Variants in EXOC6B observed in about 807,000 individuals in gnomAD.
EXOC6B encodes the protein exocyst complex component 6B.
Under a neutral mutation model 113.5 loss-of-function variants are expected in EXOC6B, and 54 were observed. The ratio of observed to expected loss-of-function variants is 0.48; its 90% CI spans 0.38 to 0.60. EXOC6B has a LOEUF of 0.60. EXOC6B is among the 20% of genes least tolerant of loss of function. The probability of loss-of-function intolerance (pLI) is 0.00; values close to 1 mark genes in which losing one functional copy is unlikely to be tolerated. For missense variants in EXOC6B, 797 were observed against 977.5 expected (o/e 0.82, Z 2.46); for synonymous variants, 357 against 339.0 (o/e 1.05, Z -0.58).
intron 1 of EXOC6B, among the ~76,000 whole-genome samples, chr2:72,766,827 G>C (rs148708895): frequency 6.6e-6 from 1 of 151,554 alleles, no homozygotes; most frequent in Non-Finnish European, 1.5e-5. Context: ...AGTGGTGCGC[G>C]TCTGTAATCC....
chr2:72,680,014 T>A (rs1206214036), intron 6 of EXOC6B, among the ~76,000 whole-genome samples: 1 of 152,178 alleles, frequency 6.6e-6, no homozygotes. Context: ...TGTGATTATA[T>A]AAGAGAATGC....
intron 18 of EXOC6B, among the ~76,000 whole-genome samples, chr2:72,394,400 A>T (rs1488397472): frequency 6.6e-6 from 1 of 152,178 alleles, no homozygotes; most frequent in Admixed American, 6.5e-5. Context: ...CACAATACTC[A>T]GAGAAGGTTT....
intron 18 of EXOC6B, among the ~76,000 whole-genome samples, chr2:72,390,968 T>A (rs533745399): frequency 5.8e-4 from 89 of 152,338 alleles, no homozygotes; most frequent in African/African-American, 2.1e-3. Flanking sequence ...CCCAAAACTC[T>A]TTTTCATTTC....
intron 18 of EXOC6B, among the ~76,000 whole-genome samples, chr2:72,432,467 T>C (rs1189566131): frequency 6.6e-6 from 1 of 152,190 alleles, no homozygotes; most frequent in African/African-American, 2.4e-5. Context: ...TGTCAAATGG[T>C]ATTTCTAGTT....
Position 72,446,379 on chromosome 2 carries a change from C to CA in EXOC6B, c.1980+18780dup, listed in dbSNP as rs751402901. ...GGGCAACAAGAGCAATACTCTGTCT[C>CA]AAAAAAAAAAAAAATGAAAAGAAAG... is the stretch of plus-strand genomic sequence containing the variant. On this transcript the variant is annotated intron_variant, in intron 18 of 21. Coordinates refer to ENST00000272427, the MANE Select transcript of EXOC6B (RefSeq NM_015189.3). Among the ~76,000 whole-genome samples, 931 of 97,804 alleles carry CA rather than the reference C, an allele frequency of 9.5e-3. 9 individuals carry two copies. The highest frequency in any genetic ancestry group is 0.026 in the African/African-American group (676 of 25,814). The allele number at this position is 97,804 out of a possible 152,430, so 64.2% of individuals were successfully genotyped here.
intron 20 of EXOC6B, among the ~76,000 whole-genome samples, chr2:72,290,901 T>G (rs1159135025): frequency 6.6e-6 from 1 of 152,150 alleles, no homozygotes; most frequent in Non-Finnish European, 1.5e-5. Context: ...TGTATTTAAT[T>G]GAAATGTATG....
rs189614424 is a variant in EXOC6B at position 72,554,793 on chromosome 2, A to T, written c.915+4660T>A. 5.0e-3 allele frequency among the ~76,000 whole-genome samples: 759 copies of T among 152,136 alleles called. 20 individuals are homozygous for T. The highest frequency in any genetic ancestry group is 0.045 in the Admixed American group (689 of 15,274). ...TATTATACTCTAAGTTCCAGGGTAC[A>T]TGTGCACAACATGCAGGTTTGTTAC... On this transcript the variant is annotated intron_variant, in intron 8 of 21. Coordinates refer to ENST00000272427, the MANE Select transcript of EXOC6B (RefSeq NM_015189.3).
intron 5 of EXOC6B, 53 bp downstream of exon 5, chr2:72,730,954 A>T: frequency 7.5e-7 from 1 of 1,331,048 alleles, no homozygotes; most frequent in Non-Finnish European, 1.0e-6. Context: ...AACGTATTCT[A>T]AACAACAGAA....
chr2:72,187,277 A>C (rs1481605559), intron 20 of EXOC6B, among the ~76,000 whole-genome samples: 1 of 151,890 alleles, frequency 6.6e-6, no homozygotes, highest in Non-Finnish European at 1.5e-5. Flanking sequence ...GGGCTCTACA[A>C]AGGGCTGCAG....
At chr2:72,715,930 G>A (rs1052880000) in intron 6 of EXOC6B, among the ~76,000 whole-genome samples, 2 of 152,116 alleles carry the variant, frequency 1.3e-5, no homozygotes, top group African/African-American at 2.4e-5. Context: ...GAAGGAGTGA[G>A]TGTGTTCTAT....
At chr2:72,305,144 A>G (rs1452741059) in intron 20 of EXOC6B, among the ~76,000 whole-genome samples, 1 of 152,146 alleles carries the variant, frequency 6.6e-6, no homozygotes, top group Non-Finnish European at 1.5e-5. Context: ...GGTAGCTATT[A>G]TTATCTATAT....
chr2:72,421,322 T>C lies in EXOC6B; in HGVS notation c.1981-41452A>G, dbSNP rs189706868. Among the ~76,000 whole-genome samples the C allele has an allele frequency of 1.5e-3, 225 of 152,330 alleles. 3 individuals carry two copies. Among genetic ancestry groups the C allele is most frequent in the Non-Finnish European group, 1.3e-3 (87 of 68,026 alleles). On this transcript the variant is annotated intron_variant, in intron 18 of 21. Coordinates refer to ENST00000272427, the MANE Select transcript of EXOC6B (RefSeq NM_015189.3). The stretch of plus-strand genomic sequence containing the variant: ...GAACTACACATTCTTTATATTATTC[T>C]GAAGGCCAAAATTTTGCATGATACT...
At chr2:72,680,751 A>T (rs1448254000) in intron 6 of EXOC6B, among the ~76,000 whole-genome samples, 5 of 151,740 alleles carry the variant, frequency 3.3e-5, no homozygotes, top group Non-Finnish European at 7.4e-5. Context: ...AAAAAAAAAG[A>T]AAAAAAAGGA....
intron 6 of EXOC6B, among the ~76,000 whole-genome samples, chr2:72,624,939 A>G (rs1041858330): frequency 6.6e-6 from 1 of 151,938 alleles, no homozygotes; most frequent in Non-Finnish European, 1.5e-5. Flanking sequence ...CAGATTTGAA[A>G]TGGACTGTCT....
chr2:72,376,763 T>C (rs1427766764), intron 19 of EXOC6B, among the ~76,000 whole-genome samples: 1 of 152,200 alleles, frequency 6.6e-6, no homozygotes, highest in Non-Finnish European at 1.5e-5. Context: ...TCTTCTTTTA[T>C]GGGTAACATT....
intron 18 of EXOC6B, among the ~76,000 whole-genome samples, chr2:72,422,789 G>A (rs983296781): frequency 6.6e-6 from 1 of 152,174 alleles, no homozygotes; most frequent in Non-Finnish European, 1.5e-5. Flanking sequence ...GGGCCTTGGA[G>A]AACCTGTGTG....
intron 6 of EXOC6B, among the ~76,000 whole-genome samples, chr2:72,689,510 T>G (rs546541114): frequency 9.2e-5 from 14 of 152,236 alleles, no homozygotes; most frequent in Non-Finnish European, 1.9e-4. Context: ...GGATTCCTAA[T>G]GATATAATCT....
chr2:72,801,821 G>A (rs958755796), intron 1 of EXOC6B, among the ~76,000 whole-genome samples: 5 of 152,168 alleles, frequency 3.3e-5, no homozygotes, highest in Non-Finnish European at 5.9e-5. Flanking sequence ...GAAGATTCAC[G>A]TAAAAGAAGT....
At chr2:72,219,998 T>C (rs145954876) in intron 20 of EXOC6B, among the ~76,000 whole-genome samples, 4 of 152,320 alleles carry the variant, frequency 2.6e-5, no homozygotes, top group African/African-American at 9.6e-5. Context: ...TTAACCTTTT[T>C]GTGACTAATC....
Sources: allele counts gnomAD v4.1 joint callset (sites outside exome capture counted in the v4.1 genomes callset), GRCh38; gene constraint gnomAD v4.1.1; transcripts MANE v1.5; gene names NCBI Gene and HGNC (gene_info 2026-07-23, HGNC 2026-07-21).